CLSTN2: variants seen among roughly 807,000 people sequenced by gnomAD.
CLSTN2 encodes the protein calsyntenin 2.
A neutral mutation model predicts 101.2 loss-of-function variants in CLSTN2; 48 were observed. The ratio of observed to expected loss-of-function variants is 0.47; its 90% CI spans 0.38 to 0.60. CLSTN2 has a LOEUF of 0.60. Among genes scored for constraint, CLSTN2 ranks in the 20% least tolerant of loss-of-function variants. The pLI, the probability that CLSTN2 is intolerant of heterozygous loss-of-function variation, is 0.00. For missense variants in CLSTN2, 1,160 were observed against 1,238.2 expected, an observed-to-expected ratio of 0.94 and a Z score of 0.95; for synonymous variants, 481 against 463.6, an observed-to-expected ratio of 1.04 and a Z score of -0.48.
intron 8 of CLSTN2, among the ~76,000 whole-genome samples, chr3:140,531,664 C>T (rs1935257336): frequency 6.6e-6 from 1 of 152,168 alleles, no homozygotes; most frequent in South Asian, 2.1e-4. Context: ...AGTCTTGCCA[C>T]CTTTCATGCC....
intron 2 of CLSTN2, among the ~76,000 whole-genome samples, chr3:140,207,248 A>T (rs9816340): frequency 0.3 from 45,588 of 152,128 alleles, 7,896 homozygotes; most frequent in Non-Finnish European, 0.4. Flanking sequence ...TGTATGCTAC[A>T]GTGAGGTAGT....
intron 1 of CLSTN2, among the ~76,000 whole-genome samples, chr3:139,955,175 A>G (rs2107812050): frequency 7.1e-6 from 1 of 141,812 alleles, no homozygotes; most frequent in Middle Eastern, 3.8e-3. Context: ...CATCTGATTT[A>G]TTTGAAAAGT....
At chr3:140,058,376 T>C (rs1576412564) in intron 1 of CLSTN2, among the ~76,000 whole-genome samples, 1 of 152,076 alleles carries the variant, frequency 6.6e-6, no homozygotes, top group South Asian at 2.1e-4. Flanking sequence ...TTATTAATGA[T>C]GGAGGAAGCA....
At chr3:140,351,930 T>C (rs993790304) in intron 2 of CLSTN2, among the ~76,000 whole-genome samples, 1 of 151,150 alleles carries the variant, frequency 6.6e-6, no homozygotes, top group African/African-American at 2.5e-5. Context: ...AGATTAGTGA[T>C]ACAGAGAAGG....
intron 1 of CLSTN2, among the ~76,000 whole-genome samples, chr3:140,099,329 GC>G (rs1190785817): frequency 2.6e-5 from 4 of 152,090 alleles, no homozygotes; most frequent in African/African-American, 4.8e-5. Context: ...GCTTCTGGTA[GC>G]TTTTGGTGAC....
chr3:140,020,359 T>C (rs1248703654), intron 1 of CLSTN2, among the ~76,000 whole-genome samples: 1 of 152,174 alleles, frequency 6.6e-6, no homozygotes, highest in Non-Finnish European at 1.5e-5. Flanking sequence ...AGTATATGTG[T>C]GTGTGCATGT....
chr3:139,989,193 C>T (rs1936078088), intron 1 of CLSTN2, among the ~76,000 whole-genome samples: 1 of 152,248 alleles, frequency 6.6e-6, no homozygotes, highest in Non-Finnish European at 1.5e-5. Context: ...CCTATCAGAG[C>T]CTCCTTATCT....
At position 139,937,149 on chromosome 3, in the gene CLSTN2, T is replaced by C. The variant is rs141868000; in HGVS notation, c.109+1666T>C. On this transcript the variant is annotated intron_variant, in intron 1 of 16. Coordinates refer to ENST00000458420, the MANE Select transcript of CLSTN2 (RefSeq NM_022131.3). ...TTCCCATCACTTTGTAGCACAGTAA[T>C]TGATATAAGCAGATGTCTGCAAACG... Among the ~76,000 whole-genome samples, 184 of 152,250 alleles carry C rather than the reference T, an allele frequency of 1.2e-3. 1 individual carries two copies. The East Asian group carries it at 0.026, about 22-fold the overall frequency.
intron 1 of CLSTN2, among the ~76,000 whole-genome samples, chr3:139,979,188 T>C (rs984030947): frequency 4.9e-4 from 74 of 152,106 alleles, no homozygotes; most frequent in African/African-American, 1.8e-3. Flanking sequence ...CAGGCCAGTC[T>C]TGGTGACTGT....
rs760815541 is a variant in CLSTN2, at chr3:140,459,776, C to A, written c.1222+7C>A. The A allele has an allele frequency of 6.2e-6, 10 of 1,602,432 alleles. No individual in the cohort carries two copies. Among genetic ancestry groups the A allele is most frequent in the Admixed American group, 1.7e-5 (1 of 58,828 alleles). ...TGCAACTCAGACAAAACCGGTGAGT[C>A]TCTAGCCCAGCCCTTCCACCCCTCC... On this transcript the variant is annotated splice_region_variant and intron_variant, in intron 7 of 16. Transcript: ENST00000458420.
chr3:140,122,468 G>T (rs1368000199), intron 1 of CLSTN2, among the ~76,000 whole-genome samples: 10 of 152,192 alleles, frequency 6.6e-5, no homozygotes, highest in Non-Finnish European at 1.3e-4. Context: ...CTGATTCACA[G>T]TATAACTATT....
intron 1 of CLSTN2, among the ~76,000 whole-genome samples, chr3:140,139,156 A>C (rs1163067462): frequency 6.6e-6 from 1 of 152,158 alleles, no homozygotes; most frequent in African/African-American, 2.4e-5. Flanking sequence ...GGCAGAAGGG[A>C]GAGAGAGCAT....
At chr3:140,412,225 G>A (rs1451882145) in intron 4 of CLSTN2, among the ~76,000 whole-genome samples, 1 of 152,146 alleles carries the variant, frequency 6.6e-6, no homozygotes, top group Non-Finnish European at 1.5e-5. Flanking sequence ...ATGTTGGTCA[G>A]CCTGGTCTTA....
At chr3:140,078,563 G>A (rs2107780017) in intron 1 of CLSTN2, among the ~76,000 whole-genome samples, 1 of 152,286 alleles carries the variant, frequency 6.6e-6, no homozygotes, top group African/African-American at 2.4e-5. Flanking sequence ...GAAAAGCTGT[G>A]CCACAGCCTG....
chr3:140,334,856 A>G (rs1423254071), intron 2 of CLSTN2, among the ~76,000 whole-genome samples: 8 of 152,178 alleles, frequency 5.3e-5, no homozygotes, highest in Non-Finnish European at 7.3e-5. Context: ...CAGTCCAGCA[A>G]TCTGGGAAGC....
chr3:140,503,100 C>G (rs569442458), intron 8 of CLSTN2, among the ~76,000 whole-genome samples: 1 of 152,178 alleles, frequency 6.6e-6, no homozygotes, highest in South Asian at 2.1e-4. Flanking sequence ...CTTCATTCAT[C>G]ACATCATGTC....
At chr3:140,528,147 T>C (rs1420243343) in intron 8 of CLSTN2, among the ~76,000 whole-genome samples, 1 of 152,198 alleles carries the variant, frequency 6.6e-6, no homozygotes, top group Non-Finnish European at 1.5e-5. Flanking sequence ...TTGGTCCTCC[T>C]ATTTTATAGG....
chr3:140,188,404 A>C (rs2010511943), intron 2 of CLSTN2, among the ~76,000 whole-genome samples: 1 of 152,146 alleles, frequency 6.6e-6, no homozygotes, highest in African/African-American at 2.4e-5. Context: ...ACAACCTACC[A>C]CTAAGAAGCA....
At chr3:140,373,352 C>T (rs1049873115) in intron 2 of CLSTN2, among the ~76,000 whole-genome samples, 1 of 152,140 alleles carries the variant, frequency 6.6e-6, no homozygotes, top group Admixed American at 6.5e-5. Context: ...GGCCTCTTCC[C>T]CCTACTGCTC....
Sources: gnomAD v4.1 joint callset for allele counts (sites outside exome capture counted in the v4.1 genomes callset) on GRCh38, gnomAD v4.1.1 for gene constraint, MANE v1.5 for transcripts, NCBI Gene and HGNC (gene_info 2026-07-23, HGNC 2026-07-21) for gene names.